Variants in WIF1 observed in about 807,000 individuals in gnomAD.
The protein encoded by WIF1 is Wnt inhibitory factor 1.
WIF1 carries 35 observed loss-of-function variants against 53.5 expected under a neutral mutation model. The observed-to-expected ratio is 0.65, with a 90% CI of 0.50 to 0.87. The LOEUF (loss-of-function observed/expected upper bound fraction) is 0.87, where lower values mean the gene tolerates loss of function less well. Ranked by LOEUF, WIF1 falls within the 40% of genes least tolerant of loss-of-function variation. WIF1 has a pLI of 0.00. For synonymous variants in WIF1, 171 were observed against 170.4 expected, an observed-to-expected ratio of 1.00 and a Z score of -0.03; for missense variants, 467 against 476.8, an observed-to-expected ratio of 0.98 and a Z score of 0.19.
chr12:65,113,596 A>C (rs1883464913), intron 2 of WIF1, among the ~76,000 whole-genome samples: 1 of 150,958 alleles, frequency 6.6e-6, no homozygotes. Flanking sequence ...CTAAGCAATA[A>C]AGTCTTTTTT....
chr12:65,088,236 T>C (rs374179409), intron 2 of WIF1, among the ~76,000 whole-genome samples: 3 of 152,256 alleles, frequency 2.0e-5, no homozygotes, highest in African/African-American at 4.8e-5. Flanking sequence ...AGTTTCATAG[T>C]TTTCCCCCAG....
intron 2 of WIF1, among the ~76,000 whole-genome samples, chr12:65,080,723 T>C (rs112917406): frequency 6.6e-6 from 1 of 152,290 alleles, no homozygotes; most frequent in Non-Finnish European, 1.5e-5. Context: ...TTGGGTGTAA[T>C]GCACACCATG....
chr12:65,063,230 TTA>T (rs1186612900), intron 6 of WIF1, among the ~76,000 whole-genome samples: 3 of 152,022 alleles, frequency 2.0e-5, no homozygotes, highest in Non-Finnish European at 2.9e-5. Context: ...AATAACCAGA[TTA>T]TCCAGGTAGT....
chr12:65,091,957 G>A (rs1592398165), intron 2 of WIF1, among the ~76,000 whole-genome samples: 1 of 152,144 alleles, frequency 6.6e-6, no homozygotes, highest in Non-Finnish European at 1.5e-5. Flanking sequence ...CTTCTGATAT[G>A]AGAAAGAGGA....
rs780874315 is a variant in WIF1, at chr12:65,064,432, G to C, written c.731-1856C>G. 2.6e-4 allele frequency among the ~76,000 whole-genome samples: 40 copies of C among 152,310 alleles called. 1 individual carries two copies. The highest frequency in any genetic ancestry group is 3.4e-3 in the Middle Eastern group (1 of 294). ...AGTGCTAAACTCCTTAGGTCCTAAAGGTTGTGATGTCCCAAGGGCCAATGA... is the reference window on the plus strand; with the variant it reads ...AGTGCTAAACTCCTTAGGTCCTAAACGTTGTGATGTCCCAAGGGCCAATGA... On this transcript the variant is annotated intron_variant, in intron 6 of 9. Coordinates refer to ENST00000286574, the MANE Select transcript of WIF1 (RefSeq NM_007191.5).
intron 4 of WIF1, 101 bp downstream of exon 4, chr12:65,068,663 G>A (rs1262310183): frequency 4.9e-6 from 6 of 1,220,882 alleles, no homozygotes; most frequent in African/African-American, 1.5e-5. Context: ...GTGTGTGTGT[G>A]TGTGTGTGTG....
intron 2 of WIF1, among the ~76,000 whole-genome samples, chr12:65,091,649 T>C (rs1291651027): frequency 6.6e-6 from 1 of 152,184 alleles, no homozygotes; most frequent in Non-Finnish European, 1.5e-5. Context: ...CAAAAGCAAG[T>C]TTGATTTTCA....
chr12:65,058,019 G>A (rs545432342), intron 7 of WIF1, among the ~76,000 whole-genome samples: 1 of 152,058 alleles, frequency 6.6e-6, no homozygotes, highest in Non-Finnish European at 1.5e-5. Context: ...TCTGCATAGA[G>A]GTGTTCCAGA....
At chr12:65,093,208 T>A (rs546526745) in intron 2 of WIF1, among the ~76,000 whole-genome samples, 161 of 152,200 alleles carry the variant, frequency 1.1e-3, no homozygotes, top group African/African-American at 3.7e-3. Flanking sequence ...AGTAGCCTAG[T>A]GGTAGGTTTG....
At chr12:65,107,209 C>T (rs1883364178) in intron 2 of WIF1, among the ~76,000 whole-genome samples, 1 of 152,168 alleles carries the variant, frequency 6.6e-6, no homozygotes, top group South Asian at 2.1e-4. Flanking sequence ...TAAATACAAC[C>T]TCAATCCTAA....
chr12:65,103,137 C>T (rs376397391), intron 2 of WIF1, among the ~76,000 whole-genome samples: 147 of 152,010 alleles, frequency 9.7e-4, no homozygotes, highest in Non-Finnish European at 1.7e-3. Flanking sequence ...ATCTTTTGTG[C>T]GTTATAGAAA....
At position 65,068,750 on chromosome 12, in the gene WIF1, C is replaced by T. The variant is rs1441468710; in HGVS notation, c.538+14G>A. On this transcript the variant is annotated intron_variant, in intron 4 of 9. Coordinates refer to ENST00000286574, the MANE Select transcript of WIF1 (RefSeq NM_007191.5). ...TTACAACATGTCTTCTCTTGAATCA[C>T]CATCGGTGCTTACCTTGTTGACATG... is the stretch of plus-strand genomic sequence containing the variant. 5.6e-6 allele frequency: 9 copies of T among 1,611,992 alleles called. No individual in the cohort carries two copies. The highest frequency in any genetic ancestry group is 5.4e-5 in the African/African-American group (4 of 74,700).
intron 2 of WIF1, among the ~76,000 whole-genome samples, chr12:65,116,445 C>T (rs1032226654): frequency 1.3e-5 from 2 of 151,758 alleles, no homozygotes; most frequent in Non-Finnish European, 1.5e-5. Context: ...GATCATCTGT[C>T]ACTGTCTCCC....
chr12:65,061,936 C>T (rs1010206814), intron 7 of WIF1, among the ~76,000 whole-genome samples: 1 of 152,188 alleles, frequency 6.6e-6, no homozygotes, highest in Non-Finnish European at 1.5e-5. Context: ...GTTACTTTCA[C>T]TTAGTATCTG....
chr12:65,107,666 T>C (rs544604642), intron 2 of WIF1, among the ~76,000 whole-genome samples: 25 of 152,334 alleles, frequency 1.6e-4, no homozygotes, highest in Non-Finnish European at 2.5e-4. Flanking sequence ...GTTTCCTACC[T>C]GGACTTGGCT....
intron 2 of WIF1, among the ~76,000 whole-genome samples, chr12:65,118,962 A>T (rs1883554510): frequency 6.6e-6 from 1 of 152,088 alleles, no homozygotes; most frequent in Non-Finnish European, 1.5e-5. Flanking sequence ...TTTCAGATGG[A>T]AGGGTGCAGT....
intron 3 of WIF1, among the ~76,000 whole-genome samples, chr12:65,073,090 A>G (rs1565751950): frequency 6.6e-6 from 1 of 152,182 alleles, no homozygotes; most frequent in Non-Finnish European, 1.5e-5. Flanking sequence ...GCCTCCAGTC[A>G]GTTGAGTCCC....
chr12:65,056,083 A>C lies in WIF1; in HGVS notation c.870T>G (p.Gly290=), dbSNP rs1882521338. 4 of 1,614,026 alleles carry C rather than the reference A, an allele frequency of 2.5e-6. No homozygotes were observed. In the Admixed American group the frequency reaches 5.0e-5, roughly 20 times the overall value. The change falls in exon 8 of 10, where the codon GGT becomes GGG. Residue 290 remains glycine, a synonymous_variant. Transcript: ENST00000286574. ...QPCRNGGKCI[G]KSKCKCSKGY... Reference sequence around the variant, plus strand: ...CTTTGGAACACTTACATTTGCTTTTACCAATGCATTTACCTCCATTTCGAC... The same window carrying C: ...CTTTGGAACACTTACATTTGCTTTTCCCAATGCATTTACCTCCATTTCGAC...
At chr12:65,081,770 T>C (rs1253883251) in intron 2 of WIF1, among the ~76,000 whole-genome samples, 2 of 152,130 alleles carry the variant, frequency 1.3e-5, no homozygotes, top group Non-Finnish European at 2.9e-5. Context: ...ATTTCCTGGA[T>C]ACTTGGTACA....
Sources: gnomAD v4.1 joint callset for allele counts (sites outside exome capture counted in the v4.1 genomes callset) on GRCh38, gnomAD v4.1.1 for gene constraint, MANE v1.5 for transcripts, NCBI Gene and HGNC (gene_info 2026-07-23, HGNC 2026-07-21) for gene names.